Variants in KHDRBS2 observed in about 807,000 individuals in gnomAD.
The protein encoded by KHDRBS2 is KH RNA binding domain containing, signal transduction associated 2.
In KHDRBS2, 26 loss-of-function variants were observed where a neutral mutation model predicts 44.3. The ratio of observed to expected loss-of-function variants is 0.59; its 90% CI spans 0.43 to 0.81. The LOEUF (loss-of-function observed/expected upper bound fraction) is 0.81. Ranked by LOEUF, KHDRBS2 falls within the 40% of genes least tolerant of loss-of-function variation. KHDRBS2 has a pLI of 0.00. For synonymous variants in KHDRBS2, 194 were observed against 151.1 expected (o/e 1.28, Z -2.08); for missense variants, 476 against 433.1 (o/e 1.10, Z -0.88).
chr6:62,042,989 T>A (rs1786877767), intron 3 of KHDRBS2, among the ~76,000 whole-genome samples: 2 of 152,090 alleles, frequency 1.3e-5, no homozygotes, highest in African/African-American at 2.4e-5. Flanking sequence ...TACAACATAA[T>A]TTGTTCACAA....
intron 6 of KHDRBS2, among the ~76,000 whole-genome samples, chr6:61,828,508 T>A (rs1336682931): frequency 1.3e-5 from 2 of 152,196 alleles, no homozygotes; most frequent in African/African-American, 4.8e-5. Context: ...ATTTCATTAT[T>A]AACCCAGCAC....
intron 7 of KHDRBS2, among the ~76,000 whole-genome samples, chr6:61,699,193 T>A: frequency 6.6e-6 from 1 of 152,002 alleles, no homozygotes; most frequent in East Asian, 1.9e-4. Flanking sequence ...ATAGAATAAA[T>A]TACTCATAGG....
chr6:61,764,137 T>A (rs1020477882), intron 6 of KHDRBS2, among the ~76,000 whole-genome samples: 9 of 152,182 alleles, frequency 5.9e-5, no homozygotes, highest in African/African-American at 2.2e-4. Flanking sequence ...TCCAGCTCCA[T>A]CCATGTCCCT....
chr6:61,603,071 C>A, the KHDRBS2 span, among the ~76,000 whole-genome samples: 74 of 152,210 alleles, frequency 4.9e-4, no homozygotes, highest in African/African-American at 1.7e-3. Context: ...ACCTAATCAC[C>A]CTTACCCCGC....
intron 6 of KHDRBS2, among the ~76,000 whole-genome samples, chr6:61,880,434 G>C (rs1800040546): frequency 6.6e-6 from 1 of 151,816 alleles, no homozygotes; most frequent in Non-Finnish European, 1.5e-5. Context: ...ATCATATTCT[G>C]TTGTCTGGAT....
rs533484269 is a variant in KHDRBS2, at chr6:61,946,934, G to A, written c.483+31132C>T. The stretch of plus-strand genomic sequence containing the variant: ...TAAGGGCGTACAAGATTCAGCGGTC[G>A]TCCTTCCTTGTTTTATAGAAGAAAA... On this transcript the variant is annotated intron_variant, in intron 4 of 8. Coordinates refer to ENST00000281156, the MANE Select transcript of KHDRBS2 (RefSeq NM_152688.4). 9.9e-5 allele frequency among the ~76,000 whole-genome samples: 15 copies of A among 152,278 alleles called. No individual in the cohort carries two copies. The East Asian group carries it at 2.7e-3, about 27-fold the overall frequency.
At chr6:62,258,316 G>A (rs2150179795) in intron 1 of KHDRBS2, among the ~76,000 whole-genome samples, 1 of 152,100 alleles carries the variant, frequency 6.6e-6, no homozygotes, top group Non-Finnish European at 1.5e-5. Flanking sequence ...GCTTGTTGTT[G>A]CCGTGGTTTA....
At chr6:61,617,594 T>G in the KHDRBS2 span, among the ~76,000 whole-genome samples, 2 of 151,930 alleles carry the variant, frequency 1.3e-5, no homozygotes, top group African/African-American at 4.8e-5. Flanking sequence ...AAGAAGAATG[T>G]TAATTTATTT....
At chr6:62,081,275 C>G (rs1019384704) in intron 2 of KHDRBS2, among the ~76,000 whole-genome samples, 3 of 152,002 alleles carry the variant, frequency 2.0e-5, no homozygotes, top group Non-Finnish European at 4.4e-5. Context: ...AATGAAGTTT[C>G]TTGGGGTTAA....
chr6:61,733,808 G>A lies in KHDRBS2; in HGVS notation c.811-1044C>T, dbSNP rs183330021. ...TGATTTAGTTTTGTTTCTCTTTGTG[G>A]TCATTAATTTTAAACACTAGCCATC... On this transcript the variant is annotated intron_variant, in intron 6 of 8. Transcript: ENST00000281156. Among the ~76,000 whole-genome samples the A allele has an allele frequency of 2.5e-3, 373 of 151,660 alleles. 3 individuals carry two copies. Among genetic ancestry groups the A allele is most frequent in the Admixed American group, 0.024 (361 of 15,256 alleles).
intron 2 of KHDRBS2, among the ~76,000 whole-genome samples, chr6:62,079,254 T>C (rs1451723246): frequency 1.3e-5 from 2 of 151,994 alleles, no homozygotes; most frequent in Admixed American, 6.6e-5. Context: ...TTTCTATTAA[T>C]CTAATACACA....
chr6:61,598,081 C>A, the KHDRBS2 span, among the ~76,000 whole-genome samples: 1 of 150,694 alleles, frequency 6.6e-6, no homozygotes, highest in Non-Finnish European at 1.5e-5. Context: ...GTCTCCCCCA[C>A]CTCCACCCAC....
chr6:62,038,629 T>G (rs1300373100), intron 3 of KHDRBS2, among the ~76,000 whole-genome samples: 3 of 152,100 alleles, frequency 2.0e-5, no homozygotes, highest in Non-Finnish European at 4.4e-5. Context: ...GCACTTGAGT[T>G]AAGTGCAGAA....
chr6:62,169,457 T>C (rs571035590), intron 2 of KHDRBS2, among the ~76,000 whole-genome samples: 1 of 152,080 alleles, frequency 6.6e-6, no homozygotes, highest in African/African-American at 2.4e-5. Context: ...TGTACTGCTC[T>C]CATGGAGAGG....
At chr6:62,181,066 A>AAACATAAGACCAG (rs1822187467) in intron 1 of KHDRBS2, among the ~76,000 whole-genome samples, 1 of 151,958 alleles carries the variant, frequency 6.6e-6, no homozygotes, top group Non-Finnish European at 1.5e-5. Context: ...TTAAAGACTT[A>AAACATAAGACCAG]AACATAAGAC....
At chr6:62,282,660 C>T (rs1841961517) in intron 1 of KHDRBS2, among the ~76,000 whole-genome samples, 1 of 151,930 alleles carries the variant, frequency 6.6e-6, no homozygotes, top group Non-Finnish European at 1.5e-5. Flanking sequence ...TCCCCAGTAC[C>T]CAAAATAAAG....
At chr6:62,147,375 A>C (rs1584948864) in intron 2 of KHDRBS2, among the ~76,000 whole-genome samples, 2 of 152,038 alleles carry the variant, frequency 1.3e-5, no homozygotes, top group South Asian at 4.1e-4. Flanking sequence ...GTGTTCTCCA[A>C]TTTTATAAAT....
At chr6:61,756,658 A>G (rs1778533675) in intron 6 of KHDRBS2, among the ~76,000 whole-genome samples, 1 of 152,232 alleles carries the variant, frequency 6.6e-6, no homozygotes, top group African/African-American at 2.4e-5. Flanking sequence ...ACAGCAGTGC[A>G]TTTTGCTAAA....
chr6:61,631,843 T>A, the KHDRBS2 span, among the ~76,000 whole-genome samples: 1 of 152,162 alleles, frequency 6.6e-6, no homozygotes, highest in Non-Finnish European at 1.5e-5. Context: ...TTGTCTCCAG[T>A]GGCTTTTCCT....
Sources: gnomAD v4.1 joint callset for allele counts (sites outside exome capture counted in the v4.1 genomes callset) on GRCh38, gnomAD v4.1.1 for gene constraint, MANE v1.5 for transcripts, NCBI Gene and HGNC (gene_info 2026-07-23, HGNC 2026-07-21) for gene names.